YTHDC2: variants seen among roughly 807,000 people sequenced by gnomAD.
The protein encoded by YTHDC2 is YTH N6-methyladenosine RNA binding protein C2.
Under a neutral mutation model 174.9 loss-of-function variants are expected in YTHDC2, and 45 were observed. The ratio of observed to expected loss-of-function variants is 0.26; its 90% confidence interval spans 0.20 to 0.33. The LOEUF (loss-of-function observed/expected upper bound fraction) is 0.33, where lower values mean the gene tolerates loss of function less well. YTHDC2 is among the 10% of genes least tolerant of loss of function. YTHDC2 has a pLI of 1.00. For missense variants in YTHDC2, 1,650 were observed against 1,723.7 expected, an observed-to-expected ratio of 0.96 and a Z score of 0.76; for synonymous variants, 657 against 574.5, an observed-to-expected ratio of 1.14 and a Z score of -2.05.
At position 113,587,372 on chromosome 5, in the gene YTHDC2, A is replaced by G. The variant is rs1446389788; in HGVS notation, c.3825+2893A>G. On this transcript the variant is annotated intron_variant, in intron 26 of 29. Coordinates refer to ENST00000161863, the MANE Select transcript of YTHDC2 (RefSeq NM_022828.5). Reference sequence around the variant, plus strand: ...TATATTATGTATTCATATATAATATATAAATATATATTATGTATTCATATA... The same window carrying G: ...TATATTATGTATTCATATATAATATGTAAATATATATTATGTATTCATATA... Among the ~76,000 whole-genome samples the G allele has an allele frequency of 1.3e-3, 6 of 4,668 alleles. 1 individual carries two copies. Among genetic ancestry groups the G allele is most frequent in the Non-Finnish European group, 1.8e-3 (6 of 3,396 alleles). The allele number at this position is 4,668 out of a possible 152,430, so 3.1% of individuals were successfully genotyped here.
In YTHDC2 at chr5:113,542,416, G is replaced by A. The variant is rs1415218898; in HGVS notation, c.1408G>A (p.Asp470Asn). ...CLEPWLIKEM[D>N]ACLSDIWLHK... ...TGAACCATGGTTAATAAAGGAAATGGATGCTTGCCTTTCTGATATATGGCT... is the reference window on the plus strand; with the variant it reads ...TGAACCATGGTTAATAAAGGAAATGAATGCTTGCCTTTCTGATATATGGCT... The change falls in exon 10 of 30, where the codon GAT (aspartate) becomes AAT (asparagine). Residue 470 changes from aspartate (D) to asparagine (N), a missense_variant. Around this residue, in one of 5 missense-constraint regions of YTHDC2, gnomAD observed 411 missense variants for 380.6 expected, o/e 1.08. Coordinates refer to ENST00000161863, the MANE Select transcript of YTHDC2 (RefSeq NM_022828.5). The A allele has an allele frequency of 1.2e-6, 2 of 1,612,854 alleles. No homozygotes were observed. Among genetic ancestry groups the A allele is most frequent in the African/African-American group, 2.7e-5 (2 of 75,006 alleles).
intron 26 of YTHDC2, among the ~76,000 whole-genome samples, chr5:113,590,438 TG>T (rs1778945717): frequency 6.6e-6 from 1 of 152,222 alleles, no homozygotes; most frequent in Non-Finnish European, 1.5e-5. Flanking sequence ...AGGAATTGTT[TG>T]GTCTACTTGT....
chr5:113,547,801 T>A (rs973414246), intron 10 of YTHDC2, among the ~76,000 whole-genome samples: 21 of 152,212 alleles, frequency 1.4e-4, no homozygotes, highest in African/African-American at 4.1e-4. Context: ...ATACTGTATA[T>A]GAAAGATTAA....
At chr5:113,557,959 G>T (rs961707456) in intron 17 of YTHDC2, among the ~76,000 whole-genome samples, 1 of 152,198 alleles carries the variant, frequency 6.6e-6, no homozygotes, top group South Asian at 2.1e-4. Flanking sequence ...AAAGCTGGAG[G>T]TAGGGCAAAT....
intron 24 of YTHDC2, among the ~76,000 whole-genome samples, chr5:113,580,974 TTATCTC>T (rs1369416839): frequency 1.3e-5 from 2 of 152,184 alleles, no homozygotes; most frequent in Admixed American, 1.3e-4. Flanking sequence ...CCTGGGGACT[TTATCTC>T]TATGTGTATA....
chr5:113,530,740 T>A (rs1221900978), intron 4 of YTHDC2, among the ~76,000 whole-genome samples: 1 of 152,182 alleles, frequency 6.6e-6, no homozygotes, highest in African/African-American at 2.4e-5. Context: ...AAAAAAATTT[T>A]TTTTTTTTAC....
At chr5:113,574,065 T>G (rs759934309) in intron 23 of YTHDC2, among the ~76,000 whole-genome samples, 1 of 152,208 alleles carries the variant, frequency 6.6e-6, no homozygotes, top group Admixed American at 6.5e-5. Context: ...GTTTTCAGCA[T>G]CTTTGCATTA....
intron 4 of YTHDC2, among the ~76,000 whole-genome samples, chr5:113,528,701 G>T (rs1292354619): frequency 6.6e-6 from 1 of 152,130 alleles, no homozygotes; most frequent in African/African-American, 2.4e-5. Flanking sequence ...TAGAGACGAG[G>T]TTTCAACATG....
chr5:113,524,994 A>G lies in YTHDC2; in HGVS notation c.292A>G (p.Arg98Gly). 6.2e-7 allele frequency: 1 copy of G among 1,600,630 alleles called. No homozygotes were observed. The highest frequency in any genetic ancestry group is 2.3e-5 in the East Asian group (1 of 44,320). The change falls in exon 3 of 30, where the codon AGA becomes GGA. Residue 98 changes from arginine to glycine, a missense_variant. Coordinates refer to ENST00000161863, the MANE Select transcript of YTHDC2 (RefSeq NM_022828.5). ...VSKSKGKGAN[R>G]YLTVKKKDGS... ...ATTAATATTCAGAAAGGGAGCAAATAGATACCTAACTGTGAAGAAGAAAGA... is the reference window on the plus strand; with the variant it reads ...ATTAATATTCAGAAAGGGAGCAAATGGATACCTAACTGTGAAGAAGAAAGA...
At chr5:113,575,452 A>C (rs1255001316) in intron 23 of YTHDC2, among the ~76,000 whole-genome samples, 1 of 152,208 alleles carries the variant, frequency 6.6e-6, no homozygotes, top group Non-Finnish European at 1.5e-5. Context: ...GACCTACTTG[A>C]AAGAAAGCCT....
At chr5:113,521,485 C>T (rs1193157422) in intron 2 of YTHDC2, among the ~76,000 whole-genome samples, 1 of 152,146 alleles carries the variant, frequency 6.6e-6, no homozygotes, top group African/African-American at 2.4e-5. Context: ...AATCCCAGCA[C>T]TTTGGGAGGC....
chr5:113,559,413 A>G (rs1306493751), intron 17 of YTHDC2, among the ~76,000 whole-genome samples: 4 of 152,224 alleles, frequency 2.6e-5, no homozygotes, highest in African/African-American at 9.6e-5. Flanking sequence ...GTAAGAGCAA[A>G]TATCACATTT....
chr5:113,530,150 C>T (rs528547657), intron 4 of YTHDC2, among the ~76,000 whole-genome samples: 3 of 152,258 alleles, frequency 2.0e-5, no homozygotes, highest in South Asian at 4.1e-4. Context: ...TTAAAAAATT[C>T]ATCTGAAATT....
chr5:113,578,236 C>T (rs1199895464), intron 23 of YTHDC2, among the ~76,000 whole-genome samples: 6 of 151,568 alleles, frequency 4.0e-5, no homozygotes, highest in Non-Finnish European at 7.4e-5. Flanking sequence ...TCTGTTATTC[C>T]GGATGTAGTG....
At chr5:113,522,947 G>T (rs536476777) in intron 2 of YTHDC2, among the ~76,000 whole-genome samples, 2 of 152,086 alleles carry the variant, frequency 1.3e-5, no homozygotes, top group South Asian at 4.2e-4. Context: ...AATGGTAATG[G>T]CTAAGTAGTC....
At chr5:113,552,598 A>G (rs745478865) in intron 12 of YTHDC2, among the ~76,000 whole-genome samples, 2 of 152,122 alleles carry the variant, frequency 1.3e-5, no homozygotes, top group South Asian at 2.1e-4. Flanking sequence ...CTTTCTGACT[A>G]TGAATAATAC....
Position 113,553,255 on chromosome 5 carries a change from A to T in YTHDC2, c.1763A>T (p.Asp588Val). Residue 588 changes from aspartate to valine, a missense_variant, in exon 13 of 30, where the codon GAC (aspartate) becomes GTC (valine). Around this residue, in one of 5 missense-constraint regions of YTHDC2, gnomAD observed 411 missense variants for 380.6 expected, o/e 1.08. Coordinates refer to ENST00000161863, the MANE Select transcript of YTHDC2 (RefSeq NM_022828.5). ...AATGGAAGTGACCTCAGTGCTGAAG[A>T]CAGAGAGCTCCTGAAAGCTTATCAT... ...QTNGSDLSAE[D>V]RELLKAYHHS... 6.2e-7 allele frequency: 1 copy of T among 1,608,886 alleles called. No individual in the cohort carries two copies.
chr5:113,540,647 C>T (rs1272767400), intron 8 of YTHDC2, among the ~76,000 whole-genome samples: 1 of 152,096 alleles, frequency 6.6e-6, no homozygotes, highest in African/African-American at 2.4e-5. Context: ...ATGAGAACAG[C>T]ATGGGGGAAA....
At chr5:113,579,224 A>G (rs1033641359) in intron 23 of YTHDC2, among the ~76,000 whole-genome samples, 5 of 152,062 alleles carry the variant, frequency 3.3e-5, no homozygotes, top group African/African-American at 1.2e-4. Context: ...TGACTTTATA[A>G]GAGTATTGCT....
Sources: allele counts gnomAD v4.1 joint callset (sites outside exome capture counted in the v4.1 genomes callset), GRCh38; gene constraint gnomAD v4.1.1; regional missense constraint gnomAD v4.1.1; transcripts MANE v1.5; gene names NCBI Gene and HGNC (gene_info 2026-07-23, HGNC 2026-07-21).